The following COL4A1 variants were observed in gnomAD, a reference collection of about 807,000 sequenced individuals.
The protein encoded by COL4A1 is collagen type IV alpha 1 chain, also known as collagen alpha-1(IV) chain.
COL4A1 carries 40 observed loss-of-function variants against 216.6 expected under a neutral mutation model. The ratio of observed to expected loss-of-function variants is 0.18; its 90% CI spans 0.14 to 0.24. The LOEUF (loss-of-function observed/expected upper bound fraction) is 0.24, where lower values mean the gene tolerates loss of function less well. Ranked by LOEUF, COL4A1 falls within the 10% of genes least tolerant of loss-of-function variation. The pLI is 1.00. For synonymous variants in COL4A1, 839 were observed against 810.7 expected (o/e 1.03, Z -0.59); for missense variants, 1,628 against 2,196.8 (o/e 0.74, Z 5.18).
chr13:110,249,448 G>A (rs1881981109), intron 1 of COL4A1, among the ~76,000 whole-genome samples: 1 of 152,144 alleles, frequency 6.6e-6, no homozygotes, highest in South Asian at 2.1e-4. Flanking sequence ...TCACGGAAGG[G>A]AGTCCCCGGC....
intron 1 of COL4A1, among the ~76,000 whole-genome samples, chr13:110,250,547 G>A (rs1417171863): frequency 6.6e-6 from 1 of 152,160 alleles, no homozygotes; most frequent in African/African-American, 2.4e-5. Context: ...TGGGGAATAG[G>A]ATGGCCTGGA....
intron 41 of COL4A1, 68 bp downstream of exon 41, chr13:110,172,652 G>A: frequency 6.9e-7 from 1 of 1,454,194 alleles, no homozygotes; most frequent in Non-Finnish European, 9.7e-7. Context: ...TGAAGACACT[G>A]CCCCTTGTTC....
intron 2 of COL4A1, among the ~76,000 whole-genome samples, chr13:110,229,904 G>T (rs552088277): frequency 6.6e-6 from 1 of 152,124 alleles, no homozygotes; most frequent in East Asian, 1.9e-4. Flanking sequence ...CACTTCCGAC[G>T]TTCACCCTCT....
chr13:110,305,187 T>C (rs1468150449), intron 1 of COL4A1, among the ~76,000 whole-genome samples: 3 of 152,192 alleles, frequency 2.0e-5, no homozygotes, highest in Non-Finnish European at 4.4e-5. Context: ...TCAGCTGTGA[T>C]CAGAAGTGCC....
chr13:110,174,142 C>A, intron 39 of COL4A1, 144 bp from the exon 40 acceptor site: 1 of 961,584 alleles, frequency 1.0e-6, no homozygotes, highest in Non-Finnish European at 1.6e-6. Context: ...GTTCTGACTT[C>A]CCTTCAGAAA....
intron 1 of COL4A1, among the ~76,000 whole-genome samples, chr13:110,261,219 A>G (rs1453702055): frequency 6.6e-6 from 1 of 152,052 alleles, no homozygotes; most frequent in African/African-American, 2.4e-5. Context: ...AGGAAGGGGG[A>G]ATGGAGCCCC....
intron 36 of COL4A1, among the ~76,000 whole-genome samples, chr13:110,175,896 T>C (rs1476297441): frequency 6.6e-6 from 1 of 152,204 alleles, no homozygotes; most frequent in Non-Finnish European, 1.5e-5. Flanking sequence ...GGGCTTCCCA[T>C]CTGAACTCTC....
At chr13:110,205,828 A>C (rs912722729) in intron 15 of COL4A1, among the ~76,000 whole-genome samples, 2 of 151,916 alleles carry the variant, frequency 1.3e-5, no homozygotes, top group Non-Finnish European at 1.5e-5. Flanking sequence ...ACACCATTGC[A>C]CTCCAGCCTG....
intron 2 of COL4A1, among the ~76,000 whole-genome samples, chr13:110,220,259 C>G (rs1389041543): frequency 1.3e-5 from 2 of 152,074 alleles, no homozygotes; most frequent in Non-Finnish European, 2.9e-5. Flanking sequence ...ATTTTTAACT[C>G]AAAAACACAT....
intron 1 of COL4A1, among the ~76,000 whole-genome samples, 186 bp downstream of exon 1, chr13:110,306,758 G>C (rs2139331211): frequency 6.6e-6 from 1 of 152,318 alleles, no homozygotes; most frequent in Non-Finnish European, 1.5e-5. Flanking sequence ...AAGGAGGCTC[G>C]GTCCACCAAT....
chr13:110,265,482 CAT>C (rs1419502199), intron 1 of COL4A1: 3 of 152,266 alleles, frequency 2.0e-5, no homozygotes, highest in Non-Finnish European at 2.9e-5. Context: ...AGAGACGACA[CAT>C]GTGCTTTCAC....
Position 110,208,906 on chromosome 13 carries a change from T to C in COL4A1, c.652-16A>G, listed in dbSNP as rs759234026. The stretch of plus-strand genomic sequence containing the variant: ...CCATTTGTCCCTGTGGATTAAAAAT[T>C]AGGCTCTCATTATTAGATTTGTCTA... On this transcript the variant is annotated splice_polypyrimidine_tract_variant and intron_variant, in intron 11 of 51. Transcript: ENST00000375820. 1 of 1,613,704 alleles carries C rather than the reference T, an allele frequency of 6.2e-7. No individual in the cohort carries two copies. Among genetic ancestry groups the C allele is most frequent in the Non-Finnish European group, 8.5e-7 (1 of 1,179,578 alleles).
chr13:110,275,415 G>C (rs759386430), intron 1 of COL4A1, among the ~76,000 whole-genome samples: 7 of 152,210 alleles, frequency 4.6e-5, no homozygotes, highest in Non-Finnish European at 1.0e-4. Context: ...AAGTGCCGGT[G>C]AGGGTGTGGA....
intron 36 of COL4A1, among the ~76,000 whole-genome samples, chr13:110,175,603 C>G (rs149073537): frequency 2.6e-5 from 4 of 152,332 alleles, no homozygotes; most frequent in Non-Finnish European, 4.4e-5. Context: ...TTAAGACCAT[C>G]ATGTTATAAG....
chr13:110,219,908 ATATGTGTGTATATATATGTATG>A lies in COL4A1; in HGVS notation c.145-5915_145-5894del, dbSNP rs1566386160. On this transcript the variant is annotated intron_variant, in intron 2 of 51. Transcript: ENST00000375820. ...TATATGTGTGTATATATATGTATAT[ATATGTGTGTATATATATGTATG>A]TATATGTGTGTGTATATATACACAT... Among the ~76,000 whole-genome samples, 115 of 138,486 alleles carry A rather than the reference ATATGTGTGTATATATATGTATG, an allele frequency of 8.3e-4. 1 individual carries two copies. The highest frequency in any genetic ancestry group is 3.2e-3 in the African/African-American group (112 of 35,514). The allele number at this position is 138,486 out of a possible 152,430, so 90.9% of individuals were successfully genotyped here. A position where few individuals can be genotyped will look rare whatever the true frequency, so the allele number is the denominator to read the frequency against.
chr13:110,228,978 G>A (rs952647935), intron 2 of COL4A1, among the ~76,000 whole-genome samples: 1 of 152,212 alleles, frequency 6.6e-6, no homozygotes, highest in African/African-American at 2.4e-5. Flanking sequence ...AAAAGAAAAA[G>A]GGGAGGAAAA....
At chr13:110,150,520 C>G (rs752519772) in intron 51 of COL4A1, 76 bp from the exon 52 acceptor site, 579 of 1,435,382 alleles carry the variant, frequency 4.0e-4, no homozygotes, top group Non-Finnish European at 5.1e-4. Flanking sequence ...CTGCCCTGCT[C>G]GGAAATCTCT....
At chr13:110,195,737 T>G (rs1878857024) in intron 21 of COL4A1, among the ~76,000 whole-genome samples, 1 of 152,226 alleles carries the variant, frequency 6.6e-6, no homozygotes, top group African/African-American at 2.4e-5. Context: ...GTTTTATGAT[T>G]TGGATACACA....
chr13:110,227,468 A>T (rs1880793590), intron 2 of COL4A1, among the ~76,000 whole-genome samples: 1 of 151,926 alleles, frequency 6.6e-6, no homozygotes. Flanking sequence ...AGAGAAACGA[A>T]GAGACAGAGA....
Sources: allele counts gnomAD v4.1 joint callset (sites outside exome capture counted in the v4.1 genomes callset), GRCh38; gene constraint gnomAD v4.1.1; transcripts MANE v1.5; gene names NCBI Gene and HGNC (gene_info 2026-07-23, HGNC 2026-07-21).